The following PERM1 variants were observed in gnomAD, a reference collection of about 807,000 sequenced individuals.
PERM1 encodes PGC-1 and ERR-induced regulator in muscle protein 1.
PERM1 carries 45 observed loss-of-function variants against 44.1 expected under a neutral mutation model. The observed-to-expected ratio is 1.02, with a 90% CI of 0.80 to 1.31. The LOEUF is 1.31. Among genes scored for constraint, PERM1 ranks in the 50% most tolerant of loss-of-function variants. The probability of loss-of-function intolerance (pLI) is 0.00; values close to 1 mark genes in which losing one functional copy is unlikely to be tolerated. For missense variants in PERM1, 1,189 were observed against 1,106.9 expected (o/e 1.07, Z -1.05); for synonymous variants, 565 against 477.1 (o/e 1.18, Z -2.40).
intron 1 of PERM1, 32 bp from the exon 3 acceptor site, chr1:976,656 C>T (rs1247869564): frequency 6.5e-7 from 1 of 1,548,586 alleles, no homozygotes. Context: ...AGCCCCACGG[C>T]TGCACTCAGA....
rs576108891 is a variant in PERM1, at chr1:976,448, C to T, written c.2275+51G>A. ...CGTGCACCCCTCGTCCTGCCAGCGCCCCTCGGTCTGGCTTCTAGGCGCAGC... is the reference window on the plus strand; with the variant it reads ...CGTGCACCCCTCGTCCTGCCAGCGCTCCTCGGTCTGGCTTCTAGGCGCAGC... On this transcript the variant is annotated intron_variant, in intron 2 of 2. Coordinates refer to ENST00000433179, the Ensembl canonical transcript of PERM1. The T allele has an allele frequency of 5.7e-4, 883 of 1,548,988 alleles. 3 individuals carry two copies. In the African/African-American group the frequency reaches 8.9e-3, roughly 16 times the overall value.
At chr1:978,445 T>C (rs1266621030) in intron 1 of PERM1, among the ~76,000 whole-genome samples, 1 of 152,208 alleles carries the variant, frequency 6.6e-6, no homozygotes. Flanking sequence ...GTGCTTCTTC[T>C]GCCTGAGATT....
At chr1:980,615 G>T (rs1173504200) in exon 1 of PERM1, 1 of 1,447,296 alleles carries the variant, frequency 6.9e-7, no homozygotes, top group South Asian at 1.5e-5. Flanking sequence ...AGAAGCCTCT[G>T]CATCTGGTCT....
chr1:980,692 G>C, exon 1 of PERM1: 1 of 1,424,750 alleles, frequency 7.0e-7, no homozygotes, highest in Non-Finnish European at 9.1e-7. Flanking sequence ...GCCGAGGGAC[G>C]GTGGAGCTTC....
chr1:979,415 C>G, exon 1 of PERM1: 2 of 1,524,078 alleles, frequency 1.3e-6, no homozygotes, highest in Non-Finnish European at 1.8e-6. Flanking sequence ...TCCCAGGCTC[C>G]GGGCCCCCCG....
At chr1:978,925 T>C (rs767038967) in exon 1 of PERM1, 3 of 1,507,424 alleles carry the variant, frequency 2.0e-6, no homozygotes, top group South Asian at 1.3e-5. Context: ...CACGGCTGGC[T>C]TGAGGGGGGT....
At chr1:976,116 C>T in exon 3 of PERM1, 4 of 1,518,222 alleles carry the variant, frequency 2.6e-6, no homozygotes, top group South Asian at 2.5e-5. Context: ...CTCGTCCTGC[C>T]CTGGGCGCCT....
In PERM1 at chr1:979,331, C is replaced by T. The variant is rs902872662; in HGVS notation, c.1699G>A (p.Val567Met). ...CTGCTCCCGGGCCCGACCCTCGTCA[C>T]GGCAGAGGGAGGGGGGCGAGGCAGG... is the stretch of plus-strand genomic sequence containing the variant. The change falls in exon 1 of 3, where the codon GTG (valine) becomes ATG (methionine). Residue 567 changes from valine (V) to methionine (M), a missense_variant. Val to Met is a conservative substitution (Grantham distance 21). Around this residue, in one of 3 missense-constraint regions of PERM1, gnomAD observed 900 missense variants for 760.4 expected, o/e 1.18. Coordinates refer to ENST00000433179, the Ensembl canonical transcript of PERM1. 2.9e-5 allele frequency: 44 copies of T among 1,526,408 alleles called. 1 individual carries two copies. In the Admixed American group the frequency reaches 2.9e-4, roughly 10 times the overall value. The allele number at this position is 1,526,408 out of a possible 1,614,324, so 94.6% of individuals were successfully genotyped here.
At chr1:978,723 C>T (rs749230448) in intron 1 of PERM1, among the ~76,000 whole-genome samples, 158 bp downstream of exon 2, 6 of 152,238 alleles carry the variant, frequency 3.9e-5, no homozygotes, top group Non-Finnish European at 5.9e-5. Flanking sequence ...CCCATCTGGA[C>T]TGTGTGCTGG....
rs930930835 is a variant in PERM1, at chr1:979,142, G to A, written c.1888C>T (p.Arg630Trp). 24 of 1,550,074 alleles carry A rather than the reference G, an allele frequency of 1.5e-5. No homozygotes were observed. In the African/African-American group the frequency reaches 2.6e-4, roughly 17 times the overall value. Residue 630 changes from arginine to tryptophan, a missense_variant, in exon 1 of 3, where the codon CGG (arginine) becomes TGG (tryptophan). Arg to Trp is a moderately radical substitution (Grantham distance 101). This residue lies in a region of PERM1 where 900 missense variants were observed against 760.4 expected (regional missense o/e 1.18). Transcript: ENST00000433179. ...GGGAGCGGCTCCGGGGACCCCCGCC[G>A]CCTCGACCTCTGGGCTCCAACGTCT... is the stretch of plus-strand genomic sequence containing the variant.
intron 1 of PERM1, among the ~76,000 whole-genome samples, chr1:978,180 C>T (rs1270168193): frequency 7.3e-6 from 1 of 136,556 alleles, no homozygotes; most frequent in African/African-American, 2.8e-5. Context: ...CCTGCCCCAC[C>T]CTAACCCTGC....
At chr1:979,705 C>T (rs1038927147) in exon 1 of PERM1, 44 of 1,550,148 alleles carry the variant, frequency 2.8e-5, no homozygotes, top group Non-Finnish European at 3.8e-5. Context: ...CACAAGCCCG[C>T]TGGACTCGGT....
At chr1:979,788 C>T (rs1403086290) in exon 1 of PERM1, 4 of 1,550,240 alleles carry the variant, frequency 2.6e-6, no homozygotes, top group African/African-American at 1.4e-5. Context: ...CTGCTGTAGG[C>T]AAGGCCACAT....
In PERM1 at chr1:979,128, C is replaced by T. The variant is rs575660840; in HGVS notation, c.1902G>A (p.Pro634=). ...CAGGATCAGCTCTCGGGAGCGGCTC[C>T]GGGGACCCCCGCCGCCTCGACCTCT... Residue 634 remains proline (P), a synonymous_variant, in exon 1 of 3, where the codon CCG becomes CCA. Transcript: ENST00000433179. The T allele has an allele frequency of 6.4e-5, 99 of 1,549,990 alleles. 1 individual carries two copies. The Middle Eastern group carries it at 1.2e-3, about 18-fold the overall frequency.
intron 2 of PERM1, 34 bp downstream of exon 3, chr1:976,465 A>C: frequency 6.5e-7 from 1 of 1,549,270 alleles, no homozygotes; most frequent in Non-Finnish European, 8.7e-7. Context: ...TCTGGCTTCT[A>C]GGCGCAGCTC....
At chr1:978,186 C>A (rs543313246) in intron 1 of PERM1, among the ~76,000 whole-genome samples, 35 of 142,426 alleles carry the variant, frequency 2.5e-4, no homozygotes, top group African/African-American at 8.5e-4. Context: ...CCACCCTAAC[C>A]CTGCACACTC....
chr1:980,271 C>T (rs1240108867), exon 1 of PERM1: 1 of 1,550,390 alleles, frequency 6.4e-7, no homozygotes, highest in South Asian at 1.2e-5. Context: ...TAGACAGGCC[C>T]AAACCTGGCC....
rs1289367477 is a variant in PERM1, at chr1:976,282, C to G, written c.2276-13G>C. The stretch of plus-strand genomic sequence containing the variant: ...TTGGCCAGCAAGGCTGCAAGAGAAG[C>G]ACAGGCTCTTCTGAGGGCCAGCCTG... On this transcript the variant is annotated splice_polypyrimidine_tract_variant and intron_variant, in intron 2 of 2. Coordinates refer to ENST00000433179, the Ensembl canonical transcript of PERM1. 6.7e-7 allele frequency: 1 copy of G among 1,499,510 alleles called. No individual in the cohort carries two copies. The highest frequency in any genetic ancestry group is 1.3e-5 in the South Asian group (1 of 75,478). The allele number at this position is 1,499,510 out of a possible 1,614,324, so 92.9% of individuals were successfully genotyped here.
chr1:979,976 G>A lies in PERM1; in HGVS notation c.1054C>T (p.Pro352Ser), dbSNP rs753283423. Residue 352 changes from proline to serine, a missense_variant, in exon 1 of 3, where the codon CCG (proline) becomes TCG (serine). Coordinates refer to ENST00000433179, the Ensembl canonical transcript of PERM1. ...ACAGCCATGTCCCTGTCAGGTTGCG[G>A]CTCAGAGGCAGGTGTAGACACAGCC... The A allele has an allele frequency of 6.1e-4, 942 of 1,549,532 alleles. 2 individuals carry two copies. The highest frequency in any genetic ancestry group is 7.5e-4 in the Non-Finnish European group (857 of 1,146,860).
Sources: allele counts gnomAD v4.1 joint callset (sites outside exome capture counted in the v4.1 genomes callset), GRCh38; gene constraint gnomAD v4.1.1; regional missense constraint gnomAD v4.1.1; transcripts MANE v1.5; gene names NCBI Gene and HGNC (gene_info 2026-07-23, HGNC 2026-07-21).